Variants in SSX1 observed in about 807,000 individuals in gnomAD.
SSX1 encodes the protein protein SSX1.
SSX1 carries 58 observed loss-of-function variants against 14.6 expected under a neutral mutation model. The observed-to-expected ratio is 3.96, with a 90% CI of 3.21 to 4.93. The LOEUF is 4.93. Among genes scored for constraint, SSX1 ranks in the 30% most tolerant of loss-of-function variants. SSX1 has a pLI of 0.00. For missense variants in SSX1, 272 were observed against 143.1 expected, an observed-to-expected ratio of 1.90 and a Z score of -4.60; for synonymous variants, 46 against 52.1, an observed-to-expected ratio of 0.88 and a Z score of 0.50.
intron 5 of SSX1, among the ~76,000 whole-genome samples, chrX:48,262,448 C>G (rs1457503556): frequency 5.4e-5 from 6 of 112,070 alleles, no homozygotes; most frequent in Non-Finnish European, 9.4e-5. Flanking sequence ...GAGACACCCA[C>G]TCTCGCAACA....
At chrX:48,255,718 G>A (rs146938830) in intron 1 of SSX1, among the ~76,000 whole-genome samples, 2,825 of 90,543 alleles carry the variant, frequency 0.031, 114 homozygotes, top group African/African-American at 0.11. Context: ...CAATCCTCCC[G>A]CCTTGGCCTC....
chrX:48,257,665 C>G, intron 2 of SSX1, 81 bp from the exon 3 acceptor site: 1 of 1,132,576 alleles, frequency 8.8e-7, no homozygotes, highest in South Asian at 1.9e-5. Context: ...CTTCCCAGAT[C>G]CAGCACACAG....
chrX:48,265,185 T>A (rs2059618810), intron 6 of SSX1, among the ~76,000 whole-genome samples: 1 of 112,386 alleles, frequency 8.9e-6, no homozygotes, highest in African/African-American at 3.2e-5. Context: ...ATTAGTATTA[T>A]TATTTCCTTC....
intron 4 of SSX1, among the ~76,000 whole-genome samples, chrX:48,259,420 T>C (rs2059595962): frequency 9.2e-6 from 1 of 109,088 alleles, no homozygotes; most frequent in Non-Finnish European, 1.9e-5. Context: ...GAAACATTTC[T>C]TTTTTAAAAG....
intron 5 of SSX1, among the ~76,000 whole-genome samples, chrX:48,263,331 T>A (rs184536940): frequency 9.0e-6 from 1 of 110,502 alleles, no homozygotes; most frequent in Non-Finnish European, 1.9e-5. Flanking sequence ...TTCCCTGTAT[T>A]CATCTCCCCA....
At chrX:48,265,008 A>C (rs1399342629) in intron 6 of SSX1, among the ~76,000 whole-genome samples, 1 of 110,836 alleles carries the variant, frequency 9.0e-6, no homozygotes, top group Non-Finnish European at 1.9e-5. Context: ...ACGTTTCTTC[A>C]CCTCTCTCAG....
At chrX:48,258,185 C>T (rs782060083) in intron 3 of SSX1, among the ~76,000 whole-genome samples, 1 of 72,942 alleles carries the variant, frequency 1.4e-5, no homozygotes, top group Non-Finnish European at 2.4e-5. Flanking sequence ...CTCTCTCTCC[C>T]TTTTTTTTTT....
At chrX:48,264,019 G>T in intron 6 of SSX1, 102 bp downstream of exon 6, 1 of 1,130,231 alleles carries the variant, frequency 8.8e-7, no homozygotes, top group South Asian at 2.2e-5. Context: ...CCTGGGTCCA[G>T]GCTGGGCTGA....
At chrX:48,263,145 A>G (rs1156664321) in intron 5 of SSX1, among the ~76,000 whole-genome samples, 2 of 106,298 alleles carry the variant, frequency 1.9e-5, no homozygotes, top group Non-Finnish European at 3.8e-5. Context: ...AAAAAAAAAG[A>G]GTAGCTTAAT....
At chrX:48,261,189 A>T (rs1556935415) in intron 4 of SSX1, among the ~76,000 whole-genome samples, 1 of 112,145 alleles carries the variant, frequency 8.9e-6, no homozygotes, top group African/African-American at 3.2e-5. Context: ...GAGTGTCTAA[A>T]CTGTCTTCAA....
intron 3 of SSX1, among the ~76,000 whole-genome samples, chrX:48,258,157 C>T (rs1212275973): frequency 2.9e-5 from 3 of 102,258 alleles, no homozygotes; most frequent in Non-Finnish European, 6.0e-5. Context: ...CCTTCCTCCT[C>T]TCAGCTTGTC....
chrX:48,258,185 C>CTTTTTTTTTT (rs1201912440), intron 3 of SSX1, among the ~76,000 whole-genome samples: 1 of 72,936 alleles, frequency 1.4e-5, no homozygotes, highest in Non-Finnish European at 2.4e-5. Context: ...CTCTCTCTCC[C>CTTTTTTTTTT]TTTTTTTTTT....
At position 48,267,064 on chromosome X, in the gene SSX1, A is replaced by C. The variant is rs2059626553; in HGVS notation, c.*215A>C. On this transcript the variant is annotated 3_prime_UTR_variant, in exon 8 of 8. Transcript: ENST00000376919. The stretch of plus-strand genomic sequence containing the variant: ...TTTTCTTACAGTGTGCCATTCTGTT[A>C]GATACTATCCTTATAATTGATGAGC... 1 of 458,790 alleles carries C rather than the reference A, an allele frequency of 2.2e-6. No homozygotes were observed. The highest frequency in any genetic ancestry group is 3.9e-5 in the East Asian group (1 of 25,920). The allele number at this position is 458,790 out of a possible 1,213,427, so 37.8% of individuals were successfully genotyped here.
rs372281308 is a variant in SSX1, at chrX:48,267,256, TAC to T, written c.*428_*429del. On this transcript the variant is annotated 3_prime_UTR_variant, in exon 8 of 8. Coordinates refer to ENST00000376919, the MANE Select transcript of SSX1 (RefSeq NM_005635.4). ...AATTTCAGACTTTTTCCTCTGCATT[TAC>T]ACACACACACACACACACACGCACA... is the stretch of plus-strand genomic sequence containing the variant. 0.077 allele frequency: 14,045 copies of T among 182,198 alleles called. 143 individuals carry two copies. The highest frequency in any genetic ancestry group is 0.14 in the African/African-American group (3,660 of 27,051). 15.0% of individuals were successfully genotyped at this position (182,198 alleles called of 1,213,427 possible).
intron 1 of SSX1, 41 bp from the exon 2 acceptor site, chrX:48,257,181 G>C (rs1556934491): frequency 8.7e-7 from 1 of 1,142,860 alleles, no homozygotes; most frequent in East Asian, 3.0e-5. Context: ...ATAGGACCAA[G>C]GGTCCTGTAG....
Position 48,257,300 on chromosome X carries a change from A to G in SSX1, c.59A>G (p.Lys20Arg), listed in dbSNP as rs1556934552. Residue 20 changes from lysine to arginine, a missense_variant, in exon 2 of 8, where the codon AAG (lysine) becomes AGG (arginine). Lys to Arg is a conservative substitution (Grantham distance 26). Transcript: ENST00000376919. ...RPRDDAKASE[K>R]RSKAFDDIAT... Reference sequence around the variant, plus strand: ...AGGGATGATGCTAAAGCATCAGAGAAGAGAAGCAAGGTGACGTGACCTGGA... The same window carrying G: ...AGGGATGATGCTAAAGCATCAGAGAGGAGAAGCAAGGTGACGTGACCTGGA... 1.6e-5 allele frequency: 19 copies of G among 1,208,773 alleles called. No individual in the cohort carries two copies. Among genetic ancestry groups the G allele is most frequent in the Non-Finnish European group, 2.1e-5 (19 of 894,454 alleles).
Position 48,258,589 on chromosome X carries a change from CA to C in SSX1, c.239del (p.Gln80ArgfsTer20), listed in dbSNP as rs781817244. 10 of 1,209,100 alleles carry C rather than the reference CA, an allele frequency of 8.3e-6. No homozygotes were observed. In the Admixed American group the frequency reaches 2.2e-4, roughly 26 times the overall value. On this transcript the variant is annotated frameshift_variant, in exon 4 of 8. Transcript: ENST00000376919. LOFTEE classifies it high-confidence loss of function. ...GTGTAATAAACAGGCCACAGACTTC[CA>C]GGGGAATGATTTTGATAATGACCAT... is the stretch of plus-strand genomic sequence containing the variant. ...FMCNKQATDF[Q>X]GNDFDNDHNR...
At chrX:48,259,599 C>A (rs1328998573) in intron 4 of SSX1, among the ~76,000 whole-genome samples, 1 of 111,040 alleles carries the variant, frequency 9.0e-6, no homozygotes, top group South Asian at 3.9e-4. Flanking sequence ...CATCCCTTCC[C>A]CCTCTCCCCA....
intron 5 of SSX1, among the ~76,000 whole-genome samples, chrX:48,263,354 C>T (rs782384198): frequency 9.0e-6 from 1 of 110,912 alleles, no homozygotes; most frequent in Admixed American, 9.7e-5. Context: ...CCATCTTTCC[C>T]AGCAGTGTTT....
Sources: gnomAD v4.1 joint callset for allele counts (sites outside exome capture counted in the v4.1 genomes callset) on GRCh38, gnomAD v4.1.1 for gene constraint, MANE v1.5 for transcripts, NCBI Gene and HGNC (gene_info 2026-07-23, HGNC 2026-07-21) for gene names.